SPAG16: variants seen among roughly 807,000 people sequenced by gnomAD.
SPAG16 encodes the protein sperm-associated antigen 16 protein.
A neutral mutation model predicts 80.4 loss-of-function variants in SPAG16; 86 were observed. The ratio of observed to expected loss-of-function variants is 1.07; its 90% CI spans 0.90 to 1.28. SPAG16 has a LOEUF of 1.28. Ranked by LOEUF, SPAG16 falls within the 50% of genes most tolerant of loss-of-function variation. SPAG16 has a pLI of 0.00. For synonymous variants in SPAG16, 294 were observed against 265.9 expected (o/e 1.11, Z -1.03); for missense variants, 870 against 765.3 (o/e 1.14, Z -1.61).
intron 15 of SPAG16, among the ~76,000 whole-genome samples, chr2:214,157,530 TTAAC>T (rs1186484811): frequency 5.3e-5 from 8 of 152,104 alleles, no homozygotes; most frequent in African/African-American, 9.7e-5. Flanking sequence ...CTTGAAAACT[TTAAC>T]TAAAAACAAC....
At chr2:214,177,563 C>A (rs947240042) in intron 15 of SPAG16, among the ~76,000 whole-genome samples, 1 of 150,740 alleles carries the variant, frequency 6.6e-6, no homozygotes, top group Non-Finnish European at 1.5e-5. Context: ...CTTTTTCTCC[C>A]AACTCTATTT....
At chr2:213,529,157 G>A (rs932950207) in intron 10 of SPAG16, among the ~76,000 whole-genome samples, 1 of 152,084 alleles carries the variant, frequency 6.6e-6, no homozygotes. Flanking sequence ...TTATTTTAAG[G>A]AATAAATTTT....
At chr2:213,451,626 GCT>G (rs1010414746) in intron 9 of SPAG16, among the ~76,000 whole-genome samples, 4 of 152,176 alleles carry the variant, frequency 2.6e-5, no homozygotes, top group African/African-American at 9.6e-5. Flanking sequence ...GAAAAGAACA[GCT>G]CTCTGTCACA....
chr2:213,335,845 A>T lies in SPAG16; in HGVS notation c.537-4318A>T, dbSNP rs116266301. On this transcript the variant is annotated intron_variant, in intron 5 of 15. Coordinates refer to ENST00000331683, the MANE Select transcript of SPAG16 (RefSeq NM_024532.5). ...TGGCAGTAAAATAACAGTAGAGGTC[A>T]TTTTTAAAAAAATAGGGTGTGCTGG... 9.5e-3 allele frequency among the ~76,000 whole-genome samples: 1,452 copies of T among 152,244 alleles called. 25 individuals carry two copies. Among genetic ancestry groups the T allele is most frequent in the African/African-American group, 0.033 (1,388 of 41,524 alleles).
intron 12 of SPAG16, among the ~76,000 whole-genome samples, chr2:213,963,061 C>A (rs1315498028): frequency 1.4e-5 from 2 of 138,242 alleles, no homozygotes; most frequent in Non-Finnish European, 3.1e-5. Flanking sequence ...ATTTTGTTTC[C>A]TTTCTTTTGC....
intron 10 of SPAG16, among the ~76,000 whole-genome samples, chr2:213,585,516 A>G (rs1341667888): frequency 6.6e-6 from 1 of 152,074 alleles, no homozygotes; most frequent in Non-Finnish European, 1.5e-5. Flanking sequence ...ACCTCAGGTG[A>G]TCTGCTCACC....
Position 213,679,210 on chromosome 2 carries a change from A to G in SPAG16, c.1071-183275A>G, listed in dbSNP as rs890826727. On this transcript the variant is annotated intron_variant, in intron 10 of 15. Transcript: ENST00000331683. ...AAACAGATTTATAAGTTTGCTTAAC[A>G]TTATCTATACACTATGGTCATGTAA... 8.5e-5 allele frequency among the ~76,000 whole-genome samples: 13 copies of G among 152,348 alleles called. No homozygotes were observed. In the East Asian group the frequency reaches 1.5e-3, roughly 18 times the overall value.
intron 15 of SPAG16, among the ~76,000 whole-genome samples, chr2:214,225,485 A>T (rs1382810481): frequency 6.6e-6 from 1 of 152,146 alleles, no homozygotes; most frequent in Admixed American, 6.6e-5. Context: ...TGTTTTGAAG[A>T]CATAAGAAAC....
chr2:214,059,734 A>G lies in SPAG16; in HGVS notation c.1527+45657A>G, dbSNP rs116204566. Reference sequence around the variant, plus strand: ...ACTCACCATTCCTCAGGTTACTTATACCCTTTAAGGTTATTTTTTTTTTTG... The same window carrying G: ...ACTCACCATTCCTCAGGTTACTTATGCCCTTTAAGGTTATTTTTTTTTTTG... On this transcript the variant is annotated intron_variant, in intron 13 of 15. Coordinates refer to ENST00000331683, the MANE Select transcript of SPAG16 (RefSeq NM_024532.5). 9.9e-3 allele frequency among the ~76,000 whole-genome samples: 1,383 copies of G among 139,590 alleles called. 23 individuals carry two copies. The highest frequency in any genetic ancestry group is 0.035 in the African/African-American group (1,307 of 37,106). 91.6% of individuals were successfully genotyped at this position (139,590 alleles called of 152,430 possible).
chr2:213,353,360 T>C (rs1575325657), intron 7 of SPAG16, among the ~76,000 whole-genome samples: 1 of 152,180 alleles, frequency 6.6e-6, no homozygotes, highest in Non-Finnish European at 1.5e-5. Context: ...CTGATTTCTC[T>C]ATATTGGAAA....
chr2:213,327,369 A>C (rs878906439), intron 5 of SPAG16, among the ~76,000 whole-genome samples: 1 of 152,088 alleles, frequency 6.6e-6, no homozygotes, highest in Admixed American at 6.5e-5. Flanking sequence ...TACTGAATAG[A>C]CTTCATTGTG....
intron 11 of SPAG16, among the ~76,000 whole-genome samples, chr2:213,880,984 G>GT (rs1314967378): frequency 6.6e-6 from 1 of 152,090 alleles, no homozygotes; most frequent in Non-Finnish European, 1.5e-5. Flanking sequence ...TTTTTGAATA[G>GT]TTTTTTCCTA....
At chr2:214,185,961 T>A (rs2057455747) in intron 15 of SPAG16, among the ~76,000 whole-genome samples, 1 of 152,174 alleles carries the variant, frequency 6.6e-6, no homozygotes, top group African/African-American at 2.4e-5. Flanking sequence ...CCCACTATAA[T>A]GTAAGTTCTG....
At chr2:214,007,435 A>C (rs1477992118) in intron 12 of SPAG16, among the ~76,000 whole-genome samples, 2 of 152,004 alleles carry the variant, frequency 1.3e-5, no homozygotes, top group African/African-American at 4.8e-5. Flanking sequence ...ATCTCTACAA[A>C]AAAAAAAAAT....
intron 12 of SPAG16, among the ~76,000 whole-genome samples, chr2:213,961,472 T>A (rs2044415016): frequency 6.6e-6 from 1 of 152,104 alleles, no homozygotes; most frequent in African/African-American, 2.4e-5. Context: ...TTTGTCTTGC[T>A]CCTTATTTTA....
At chr2:213,591,663 G>A (rs2060695824) in intron 10 of SPAG16, among the ~76,000 whole-genome samples, 1 of 152,058 alleles carries the variant, frequency 6.6e-6, no homozygotes, top group Non-Finnish European at 1.5e-5. Flanking sequence ...GATTGGGCTC[G>A]ACTCCAAATA....
intron 14 of SPAG16, among the ~76,000 whole-genome samples, chr2:214,138,885 G>A (rs1359130825): frequency 6.6e-6 from 1 of 152,012 alleles, no homozygotes; most frequent in African/African-American, 2.4e-5. Flanking sequence ...ATTTCTATGA[G>A]GACACCAGCT....
intron 11 of SPAG16, among the ~76,000 whole-genome samples, chr2:213,879,328 T>A (rs1466932399): frequency 6.6e-6 from 1 of 151,652 alleles, no homozygotes; most frequent in Non-Finnish European, 1.5e-5. Flanking sequence ...CTTTCATCGG[T>A]GTTTTGTAGT....
At chr2:213,546,825 CA>C (rs2125930674) in intron 10 of SPAG16, among the ~76,000 whole-genome samples, 1 of 152,210 alleles carries the variant, frequency 6.6e-6, no homozygotes, top group South Asian at 2.1e-4. Flanking sequence ...AATCACCGTA[CA>C]AGAAGTATAT....
Sources: gnomAD v4.1 joint callset for allele counts (sites outside exome capture counted in the v4.1 genomes callset) on GRCh38, gnomAD v4.1.1 for gene constraint, MANE v1.5 for transcripts, NCBI Gene and HGNC (gene_info 2026-07-23, HGNC 2026-07-21) for gene names.